HPSE2: variants seen among roughly 807,000 people sequenced by gnomAD.
HPSE2 encodes the protein inactive heparanase-2.
A neutral mutation model predicts 60.5 loss-of-function variants in HPSE2; 38 were observed. The ratio of observed to expected loss-of-function variants is 0.63; its 90% CI spans 0.48 to 0.82. The LOEUF (loss-of-function observed/expected upper bound fraction) is 0.82. Ranked by LOEUF, HPSE2 falls within the 40% of genes least tolerant of loss-of-function variation. The probability of loss-of-function intolerance (pLI) is 0.00; values close to 1 mark genes in which losing one functional copy is unlikely to be tolerated. For synonymous variants in HPSE2, 295 were observed against 293.2 expected, an observed-to-expected ratio of 1.01 and a Z score of -0.06; for missense variants, 713 against 740.4, an observed-to-expected ratio of 0.96 and a Z score of 0.43.
At chr10:99,275,067 C>A in the HPSE2 span, among the ~76,000 whole-genome samples, 3 of 152,190 alleles carry the variant, frequency 2.0e-5, no homozygotes, top group Admixed American at 6.5e-5. Flanking sequence ...TGGGCTCCTG[C>A]AGGGCCAGAG....
At chr10:98,594,220 T>C (rs1945168533) in intron 9 of HPSE2, among the ~76,000 whole-genome samples, 2 of 152,126 alleles carry the variant, frequency 1.3e-5, no homozygotes, top group African/African-American at 4.8e-5. Flanking sequence ...AGCTGCCACA[T>C]TGTACATAGA....
intron 3 of HPSE2, among the ~76,000 whole-genome samples, chr10:98,844,658 G>A (rs778773869): frequency 1.3e-5 from 2 of 152,130 alleles, no homozygotes; most frequent in Non-Finnish European, 1.5e-5. Flanking sequence ...TAGGAAAGTC[G>A]CTTAGCCTCT....
Position 99,144,387 on chromosome 10 carries a change from C to T in HPSE2, c.461G>A (p.Ser154Asn). Residue 154 changes from serine to asparagine, a missense_variant, in exon 3 of 12, where the codon AGT (serine) becomes AAT (asparagine). Ser to Asn is a conservative substitution (Grantham distance 46). Transcript: ENST00000370552. ...LKNYEDDIVR[S>N]DVALDKQKGC... ...TTTCTGTTTATCTAAGGCAACATCA[C>T]TTCGAACAATGTCTACAAAAAGAAA... The T allele has an allele frequency of 6.2e-7, 1 of 1,613,684 alleles. No homozygotes were observed. The highest frequency in any genetic ancestry group is 8.5e-7 in the Non-Finnish European group (1 of 1,179,956).
At chr10:99,064,916 A>G in intron 3 of HPSE2, among the ~76,000 whole-genome samples, 1 of 152,146 alleles carries the variant, frequency 6.6e-6, no homozygotes, top group East Asian at 1.9e-4. Context: ...TTTAGAAACA[A>G]TACAATCAGA....
intron 2 of HPSE2, among the ~76,000 whole-genome samples, chr10:99,178,806 G>A (rs1847638773): frequency 6.6e-6 from 1 of 152,086 alleles, no homozygotes; most frequent in Admixed American, 6.6e-5. Flanking sequence ...ACCTGGCAGA[G>A]ACACAACAAA....
At chr10:98,593,839 T>C (rs1458000926) in intron 9 of HPSE2, among the ~76,000 whole-genome samples, 1 of 152,166 alleles carries the variant, frequency 6.6e-6, no homozygotes, top group East Asian at 1.9e-4. Context: ...CTTCTTGGCA[T>C]ACAGCAGGCT....
At chr10:98,917,939 A>G (rs1954167923) in intron 3 of HPSE2, among the ~76,000 whole-genome samples, 1 of 152,224 alleles carries the variant, frequency 6.6e-6, no homozygotes, top group Non-Finnish European at 1.5e-5. Flanking sequence ...TTGTTCAGGT[A>G]CAGGTTATAC....
chr10:98,930,364 G>T (rs11189880), intron 3 of HPSE2, among the ~76,000 whole-genome samples: 27,126 of 143,402 alleles, frequency 0.19, 5,744 homozygotes, highest in East Asian at 0.33. Flanking sequence ...ATATACCACA[G>T]TTTCTTTATC....
chr10:98,596,416 A>G (rs140182542), intron 9 of HPSE2, among the ~76,000 whole-genome samples: 44 of 151,630 alleles, frequency 2.9e-4, no homozygotes, highest in African/African-American at 9.4e-4. Flanking sequence ...ACTTGACTCT[A>G]TATTTACTTT....
At chr10:98,692,488 G>C (rs1047712863) in intron 6 of HPSE2, among the ~76,000 whole-genome samples, 3 of 152,156 alleles carry the variant, frequency 2.0e-5, no homozygotes, top group Non-Finnish European at 2.9e-5. Context: ...CAAACTTAAG[G>C]CCGGGCGCGG....
chr10:99,111,731 T>C (rs1844470961), intron 3 of HPSE2, among the ~76,000 whole-genome samples: 1 of 152,234 alleles, frequency 6.6e-6, no homozygotes, highest in Admixed American at 6.5e-5. Context: ...CTATGCCTTT[T>C]AGTTTTCAAA....
intron 9 of HPSE2, among the ~76,000 whole-genome samples, chr10:98,609,966 C>A (rs368489397): frequency 2.6e-5 from 4 of 151,782 alleles, no homozygotes; most frequent in Admixed American, 6.6e-5. Context: ...CTCAGCCTCT[C>A]GAGCAGCTAG....
At chr10:98,632,276 T>C (rs1193634551) in intron 7 of HPSE2, among the ~76,000 whole-genome samples, 1 of 152,220 alleles carries the variant, frequency 6.6e-6, no homozygotes, top group Non-Finnish European at 1.5e-5. Flanking sequence ...TATATTTCTG[T>C]AAGTTAATGA....
chr10:98,855,466 T>C (rs1339242437), intron 3 of HPSE2, among the ~76,000 whole-genome samples: 1 of 152,098 alleles, frequency 6.6e-6, no homozygotes, highest in Non-Finnish European at 1.5e-5. Context: ...CAGATCCTTT[T>C]GTCCTCTCTT....
At chr10:99,241,274 A>C in the HPSE2 span, among the ~76,000 whole-genome samples, 1 of 152,156 alleles carries the variant, frequency 6.6e-6, no homozygotes, top group Non-Finnish European at 1.5e-5. Context: ...ACAACAACAA[A>C]AAAAACCTTA....
chr10:98,577,302 AATT>A (rs1944668575), intron 9 of HPSE2, among the ~76,000 whole-genome samples: 2 of 152,174 alleles, frequency 1.3e-5, no homozygotes, highest in Non-Finnish European at 2.9e-5. Flanking sequence ...TTGTTTCAGC[AATT>A]TCCTGAAATC....
At chr10:98,936,438 G>A (rs1800506513) in intron 3 of HPSE2, among the ~76,000 whole-genome samples, 1 of 143,300 alleles carries the variant, frequency 7.0e-6, no homozygotes, top group Admixed American at 6.9e-5. Context: ...AGGCTCACGA[G>A]GGAATCTCCT....
chr10:98,685,959 C>T (rs1947905595), intron 6 of HPSE2, among the ~76,000 whole-genome samples: 1 of 152,128 alleles, frequency 6.6e-6, no homozygotes, highest in Non-Finnish European at 1.5e-5. Context: ...ATAGTAATCC[C>T]TTGAGTATTT....
chr10:98,486,072 T>C (rs1419872870), intron 10 of HPSE2, among the ~76,000 whole-genome samples: 2 of 152,148 alleles, frequency 1.3e-5, no homozygotes, highest in African/African-American at 2.4e-5. Flanking sequence ...TCAGAACTCA[T>C]AGCGCCTTCT....
Sources: allele counts gnomAD v4.1 joint callset (sites outside exome capture counted in the v4.1 genomes callset), GRCh38; gene constraint gnomAD v4.1.1; transcripts MANE v1.5; gene names NCBI Gene and HGNC (gene_info 2026-07-23, HGNC 2026-07-21).